Variants in SLC26A2 observed in about 807,000 individuals in gnomAD.
SLC26A2 encodes the protein solute carrier family 26 member 2, also known as sulfate transporter.
SLC26A2 carries 36 observed loss-of-function variants against 41.1 expected under a neutral mutation model. The observed-to-expected ratio is 0.88, with a 90% CI of 0.67 to 1.16. SLC26A2 has a LOEUF of 1.16. SLC26A2 is among the 50% of genes most tolerant of loss of function. The pLI is 0.00. For missense variants in SLC26A2, 796 were observed against 869.6 expected, an observed-to-expected ratio of 0.92 and a Z score of 1.07; for synonymous variants, 291 against 311.6, an observed-to-expected ratio of 0.93 and a Z score of 0.70.
rs947599589 is a variant in SLC26A2 at position 149,982,675 on chromosome 5, G to A, written c.*862G>A. ...TTCCCATGGAATCTGTCCTAAACTGGTGTTTTTGTCAGTGACAGTCTTGCC... is the reference window on the plus strand; with the variant it reads ...TTCCCATGGAATCTGTCCTAAACTGATGTTTTTGTCAGTGACAGTCTTGCC... On this transcript the variant is annotated 3_prime_UTR_variant, in exon 3 of 3. Coordinates refer to ENST00000286298, the MANE Select transcript of SLC26A2 (RefSeq NM_000112.4). 5.9e-5 allele frequency: 9 copies of A among 152,100 alleles called. No homozygotes were observed. Among genetic ancestry groups the A allele is most frequent in the African/African-American group, 2.2e-4 (9 of 41,398 alleles). The allele number at this position is 152,100 out of a possible 1,614,324, so 9.4% of individuals were successfully genotyped here. A position where few individuals can be genotyped will look rare whatever the true frequency, so the allele number is the denominator to read the frequency against.
In SLC26A2 at chr5:149,980,349, G is replaced by A. The variant is rs138717538; in HGVS notation, c.756G>A (p.Leu252=). 3 of 1,613,956 alleles carry A rather than the reference G, an allele frequency of 1.9e-6. No individual in the cohort carries two copies. The highest frequency in any genetic ancestry group is 1.3e-5 in the African/African-American group (1 of 74,896). ...GFVSVYLSDA[L]LSGFVTGASF... ...TTTCTGTCTACCTCTCAGATGCCTT[G>A]CTGAGTGGATTTGTCACTGGTGCCT... The change falls in exon 3 of 3, where the codon TTG becomes TTA. Residue 252 remains leucine, a synonymous_variant. Coordinates refer to ENST00000286298, the MANE Select transcript of SLC26A2 (RefSeq NM_000112.4).
intron 1 of SLC26A2, among the ~76,000 whole-genome samples, chr5:149,968,170 A>G (rs1484100577): frequency 6.6e-6 from 1 of 152,030 alleles, no homozygotes; most frequent in African/African-American, 2.4e-5. Flanking sequence ...TCATCTGTTG[A>G]TGGACACTTG....
chr5:149,964,099 A>G (rs1754762524), intron 1 of SLC26A2, among the ~76,000 whole-genome samples: 1 of 152,220 alleles, frequency 6.6e-6, no homozygotes, highest in Non-Finnish European at 1.5e-5. Flanking sequence ...GGTAGGAGAT[A>G]GGGAGCCAGT....
rs1754764350 is a variant in SLC26A2 at position 149,964,185 on chromosome 5, G to A, written c.-26+3206G>A. Among the ~76,000 whole-genome samples the A allele has an allele frequency of 2.6e-5, 4 of 152,156 alleles. No individual in the cohort carries two copies. The South Asian group carries it at 6.2e-4, about 24-fold the overall frequency. On this transcript the variant is annotated intron_variant, in intron 1 of 2. Transcript: ENST00000286298. The stretch of plus-strand genomic sequence containing the variant: ...ATGCTTCTTTTGAAGAAGAGGCATA[G>A]TGCTTTAAAAATGTAGGTTCAGGCT...
At chr5:149,967,246 C>T (rs1180959078) in intron 1 of SLC26A2, among the ~76,000 whole-genome samples, 6 of 152,158 alleles carry the variant, frequency 3.9e-5, no homozygotes, top group Non-Finnish European at 8.8e-5. Flanking sequence ...GACTTTATAG[C>T]TTTATTGTAG....
Position 149,986,037 on chromosome 5 carries a change from A to G in SLC26A2, c.*4224A>G, listed in dbSNP as rs777116235. The stretch of plus-strand genomic sequence containing the variant: ...AGTTTTTCTGCTTTTTAATGTTTCT[A>G]TCCCCCATCTCAGTGTTTTCTTTAT... On this transcript the variant is annotated 3_prime_UTR_variant, in exon 3 of 3. Coordinates refer to ENST00000286298, the MANE Select transcript of SLC26A2 (RefSeq NM_000112.4). 5.9e-5 allele frequency: 9 copies of G among 152,134 alleles called. No individual in the cohort carries two copies. Among genetic ancestry groups the G allele is most frequent in the Non-Finnish European group, 8.8e-5 (6 of 68,022 alleles). 9.4% of individuals were successfully genotyped at this position (152,134 alleles called of 1,614,324 possible).
In SLC26A2 at chr5:149,980,496, T is replaced by C. The variant is rs754890390; in HGVS notation, c.903T>C (p.Asn301=). ...IHVFRNIHKT[N]LCDLITSLLC... ...TCTTCAGAAACATCCATAAGACCAA[T>C]CTCTGTGATCTTATCACCAGCCTTT... Residue 301 remains asparagine, a synonymous_variant, in exon 3 of 3, where the codon AAT becomes AAC. Transcript: ENST00000286298. 1.3e-5 allele frequency: 21 copies of C among 1,613,718 alleles called. No individual in the cohort carries two copies. Among genetic ancestry groups the C allele is most frequent in the East Asian group, 2.2e-5 (1 of 44,892 alleles).
rs2113699101 is a variant in SLC26A2, at chr5:149,981,305, AC to A, written c.1714del (p.Leu572PhefsTer13). Reference sequence around the variant, plus strand: ...TTTGAATCTGTGTCTGCTTACAAGAACCTTCAGATTAAGCCAGGCATCAAGA... The same window carrying A: ...TTTGAATCTGTGTCTGCTTACAAGAACTTCAGATTAAGCCAGGCATCAAGA... ...EVFESVSAYK[N>X]LQIKPGIKIF... On this transcript the variant is annotated frameshift_variant, in exon 3 of 3. Transcript: ENST00000286298. LOFTEE classifies it high-confidence loss of function. 6.2e-7 allele frequency: 1 copy of A among 1,614,102 alleles called. No homozygotes were observed.
intron 1 of SLC26A2, among the ~76,000 whole-genome samples, chr5:149,963,077 G>GTGC (rs1754739597): frequency 1.6e-5 from 2 of 125,168 alleles, no homozygotes; most frequent in Admixed American, 1.6e-4. Flanking sequence ...AATGGCAGTG[G>GTGC]TGCTATATTT....
chr5:149,962,587 C>T (rs1754731446), intron 1 of SLC26A2, among the ~76,000 whole-genome samples: 1 of 152,184 alleles, frequency 6.6e-6, no homozygotes, highest in Non-Finnish European at 1.5e-5. Flanking sequence ...AATCCTCCTG[C>T]CTTGGCCTTC....
At chr5:149,964,745 C>G (rs1754773571) in intron 1 of SLC26A2, among the ~76,000 whole-genome samples, 1 of 151,804 alleles carries the variant, frequency 6.6e-6, no homozygotes, top group Non-Finnish European at 1.5e-5. Context: ...CCACTGCACT[C>G]CAGCCTGGGC....
rs552503579 is a variant in SLC26A2 at position 149,987,287 on chromosome 5, T to G, written c.*5474T>G. On this transcript the variant is annotated 3_prime_UTR_variant, in exon 3 of 3. Transcript: ENST00000286298. ...GGGGGAGTTGGTTAATAGCAGATACTTTTCTTCTAGAAGCTTATGTTTTAT... is the reference window on the plus strand; with the variant it reads ...GGGGGAGTTGGTTAATAGCAGATACGTTTCTTCTAGAAGCTTATGTTTTAT... The G allele has an allele frequency of 5.3e-5, 8 of 152,332 alleles. No homozygotes were observed. Among genetic ancestry groups the G allele is most frequent in the African/African-American group, 1.9e-4 (8 of 41,590 alleles). 9.4% of individuals were successfully genotyped at this position (152,332 alleles called of 1,614,324 possible).
rs1468912886 is a variant in SLC26A2, at chr5:149,981,410, C to T, written c.1817C>T (p.Pro606Leu). 1 of 1,613,858 alleles carries T rather than the reference C, an allele frequency of 6.2e-7. No homozygotes were observed. Among genetic ancestry groups the T allele is most frequent in the Admixed American group, 1.7e-5 (1 of 60,002 alleles). Residue 606 changes from proline (P) to leucine (L), a missense_variant, in exon 3 of 3, where the codon CCA (proline) becomes CTA (leucine). By Grantham distance (98) the Pro-to-Leu change is moderately conservative. Coordinates refer to ENST00000286298, the MANE Select transcript of SLC26A2 (RefSeq NM_000112.4). ...KSALYKQTVN[P>L]ILIKVAWKKA... ...GCTTTATACAAACAAACTGTCAACCCAATCTTAATAAAGGTGGCTTGGAAG... is the reference window on the plus strand; with the variant it reads ...GCTTTATACAAACAAACTGTCAACCTAATCTTAATAAAGGTGGCTTGGAAG...
chr5:149,969,283 C>T (rs553663046), intron 1 of SLC26A2, among the ~76,000 whole-genome samples: 3 of 152,210 alleles, frequency 2.0e-5, no homozygotes, highest in Admixed American at 1.3e-4. Flanking sequence ...ATTCAACAAA[C>T]GTTTATTGAA....
rs1329630708 is a variant in SLC26A2 at position 149,980,466 on chromosome 5, A to G, written c.873A>G (p.Ile291Met). The change falls in exon 3 of 3, where the codon ATA (isoleucine) becomes ATG (methionine). Residue 291 changes from isoleucine to methionine, a missense_variant. Physicochemically the swap from Ile to Met is conservative, Grantham distance 10. Transcript: ENST00000286298. ...TGGGCTCACTCATCACTACCTGGAT[A>G]CATGTCTTCAGAAACATCCATAAGA... The part of the protein sequence containing the change: ...NGVGSLITTW[I>M]HVFRNIHKTN... 6.2e-7 allele frequency: 1 copy of G among 1,613,990 alleles called. No individual in the cohort carries two copies.
chr5:149,978,397 G>C (rs1755035775), intron 2 of SLC26A2, 46 bp downstream of exon 2: 1 of 1,367,370 alleles, frequency 7.3e-7, no homozygotes, highest in African/African-American at 1.4e-5. Flanking sequence ...AAGTAATCTA[G>C]TACATGAAAT....
intron 1 of SLC26A2, among the ~76,000 whole-genome samples, chr5:149,965,027 A>G (rs1561811262): frequency 6.6e-6 from 1 of 152,242 alleles, no homozygotes; most frequent in Non-Finnish European, 1.5e-5. Flanking sequence ...ACATCTTATG[A>G]ACTGTAAAAT....
At chr5:149,968,070 T>A (rs923190422) in intron 1 of SLC26A2, among the ~76,000 whole-genome samples, 2 of 152,084 alleles carry the variant, frequency 1.3e-5, no homozygotes, top group African/African-American at 4.8e-5. Flanking sequence ...TTAAGTTTCC[T>A]CCATGTTGTA....
intron 1 of SLC26A2, among the ~76,000 whole-genome samples, chr5:149,966,760 T>C (rs1248926951): frequency 5.3e-5 from 8 of 152,350 alleles, no homozygotes; most frequent in African/African-American, 1.9e-4. Flanking sequence ...GAATTAGGGA[T>C]ACTCAACCTG....
Sources: gnomAD v4.1 joint callset for allele counts (sites outside exome capture counted in the v4.1 genomes callset) on GRCh38, gnomAD v4.1.1 for gene constraint, MANE v1.5 for transcripts, NCBI Gene and HGNC (gene_info 2026-07-23, HGNC 2026-07-21) for gene names.